Variants in RBFOX1 observed in about 807,000 individuals in gnomAD.
RBFOX1 encodes RNA binding protein fox-1 homolog 1.
Under a neutral mutation model 57.7 loss-of-function variants are expected in RBFOX1, and 8 were observed. The observed-to-expected ratio is 0.14, with a 90% CI of 0.08 to 0.25. The LOEUF (loss-of-function observed/expected upper bound fraction) is 0.25. RBFOX1 is among the 10% of genes least tolerant of loss of function. The probability of loss-of-function intolerance (pLI) is 1.00; values close to 1 mark genes in which losing one functional copy is unlikely to be tolerated. For missense variants in RBFOX1, 611 were observed against 548.5 expected (o/e 1.11, Z -1.14); for synonymous variants, 326 against 222.4 (o/e 1.47, Z -4.15).
intron 3 of RBFOX1, among the ~76,000 whole-genome samples, chr16:5,861,014 CTG>C (rs1260402636): frequency 2.0e-5 from 3 of 152,174 alleles, no homozygotes; most frequent in Non-Finnish European, 4.4e-5. Context: ...CAAAGAGAAA[CTG>C]GGTTTGAGCT....
chr16:6,588,244 G>A (rs2097658919), intron 2 of RBFOX1, among the ~76,000 whole-genome samples: 1 of 151,624 alleles, frequency 6.6e-6, no homozygotes, highest in Non-Finnish European at 1.5e-5. Flanking sequence ...AAAAAAAAAA[G>A]AAAGGCAGTT....
intron 4 of RBFOX1, among the ~76,000 whole-genome samples, chr16:7,234,930 T>A (rs4786989): frequency 2.6e-5 from 4 of 151,786 alleles, no homozygotes; most frequent in Admixed American, 6.6e-5. Context: ...AGAGACTTAC[T>A]GTAGACTTGC....
chr16:5,763,693 T>G (rs17138579), intron 3 of RBFOX1, among the ~76,000 whole-genome samples: 3,623 of 152,312 alleles, frequency 0.024, 146 homozygotes, highest in African/African-American at 0.081. Flanking sequence ...GAAAAGCGAT[T>G]TAGCCCCAAC....
intron 4 of RBFOX1, among the ~76,000 whole-genome samples, chr16:7,452,145 A>G (rs987481336): frequency 3.9e-5 from 6 of 152,234 alleles, no homozygotes; most frequent in Non-Finnish European, 8.8e-5. Flanking sequence ...TCACTACTTT[A>G]TGATCCAGCC....
intron 2 of RBFOX1, among the ~76,000 whole-genome samples, chr16:6,410,653 C>T (rs1341844713): frequency 5.9e-5 from 9 of 152,114 alleles, no homozygotes; most frequent in South Asian, 2.1e-4. Context: ...AAGACCAAGG[C>T]GTGCGGAAGC....
chr16:6,374,440 A>C (rs1016597472), intron 2 of RBFOX1, among the ~76,000 whole-genome samples: 1 of 152,156 alleles, frequency 6.6e-6, no homozygotes, highest in African/African-American at 2.4e-5. Flanking sequence ...AATTCTTCTC[A>C]CACTGATATT....
chr16:7,690,271 C>T (rs2077033808), intron 14 of RBFOX1, among the ~76,000 whole-genome samples: 1 of 152,098 alleles, frequency 6.6e-6, no homozygotes. Flanking sequence ...AGGTGAGGAC[C>T]ATTCACCTCA....
intron 11 of RBFOX1, among the ~76,000 whole-genome samples, chr16:7,632,200 C>A (rs2061083863): frequency 6.6e-6 from 1 of 152,156 alleles, no homozygotes; most frequent in Non-Finnish European, 1.5e-5. Context: ...TGAGCCACTG[C>A]CCCTGGCCCA....
chr16:5,559,126 A>G lies in RBFOX1; in HGVS notation c.259-39776A>G, dbSNP rs1325300052. Among the ~76,000 whole-genome samples the G allele has an allele frequency of 4.8e-5, 7 of 147,082 alleles. 1 individual carries two copies. On this transcript the variant is annotated intron_variant, in intron 2 of 2. Coordinates refer to the RBFOX1 transcript ENST00000585867. ...AGTTTTTGTCTTGCTCCTCCATAGTAGCAAAAGGGGTTTATATAGCTAGGA... is the reference window on the plus strand; with the variant it reads ...AGTTTTTGTCTTGCTCCTCCATAGTGGCAAAAGGGGTTTATATAGCTAGGA...
At chr16:5,673,891 G>T (rs368517888) in intron 3 of RBFOX1, among the ~76,000 whole-genome samples, 2 of 152,336 alleles carry the variant, frequency 1.3e-5, no homozygotes, top group East Asian at 3.9e-4. Context: ...TCAGCCTTCA[G>T]CTTTTCTCTT....
At chr16:6,570,794 C>G (rs1009689375) in intron 2 of RBFOX1, among the ~76,000 whole-genome samples, 7 of 152,008 alleles carry the variant, frequency 4.6e-5, no homozygotes, top group South Asian at 4.1e-4. Context: ...ATTTTTTCCT[C>G]AATTATTATA....
intron 3 of RBFOX1, among the ~76,000 whole-genome samples, chr16:6,833,912 A>T (rs780952875): frequency 1.6e-4 from 25 of 152,096 alleles, no homozygotes; most frequent in Non-Finnish European, 3.7e-4. Flanking sequence ...AGGTTGATCA[A>T]TCCACAGATG....
intron 3 of RBFOX1, among the ~76,000 whole-genome samples, chr16:5,827,147 A>T (rs562467684): frequency 1.3e-5 from 2 of 152,284 alleles, no homozygotes; most frequent in Admixed American, 1.3e-4. Context: ...CATGCCTGTA[A>T]TCCCAGCACT....
chr16:7,696,649 C>T (rs879600122), intron 14 of RBFOX1, among the ~76,000 whole-genome samples: 1 of 152,088 alleles, frequency 6.6e-6, no homozygotes, highest in East Asian at 1.9e-4. Flanking sequence ...CATCAAAAGA[C>T]CTTCATGGTA....
intron 1 of RBFOX1, among the ~76,000 whole-genome samples, chr16:6,148,952 C>A (rs925352531): frequency 1.3e-5 from 2 of 151,890 alleles, no homozygotes. Flanking sequence ...TTCCAAGGCT[C>A]ACAACGTAGA....
At chr16:6,771,518 A>G (rs2078291971) in intron 3 of RBFOX1, among the ~76,000 whole-genome samples, 1 of 152,074 alleles carries the variant, frequency 6.6e-6, no homozygotes, top group Admixed American at 6.5e-5. Flanking sequence ...AACCCTAGCA[A>G]GCTGAAGCCA....
At chr16:7,071,590 TG>T (rs2057350189) in intron 4 of RBFOX1, among the ~76,000 whole-genome samples, 1 of 7,390 alleles carries the variant, frequency 1.4e-4, no homozygotes, top group African/African-American at 7.7e-4. Flanking sequence ...CCCAGATATG[TG>T]TGTGTGTGTG....
intron 1 of RBFOX1, among the ~76,000 whole-genome samples, chr16:6,252,880 T>C (rs1383711519): frequency 3.9e-5 from 6 of 152,166 alleles, no homozygotes; most frequent in Admixed American, 3.9e-4. Flanking sequence ...CCCATCTAGA[T>C]GGCTAATAAT....
intron 3 of RBFOX1, among the ~76,000 whole-genome samples, chr16:7,034,731 G>T (rs1568464585): frequency 6.7e-6 from 1 of 150,096 alleles, no homozygotes; most frequent in South Asian, 2.2e-4. Context: ...TGCCCCTGTA[G>T]ATTTATTGTG....
Sources: gnomAD v4.1 joint callset for allele counts (sites outside exome capture counted in the v4.1 genomes callset) on GRCh38, gnomAD v4.1.1 for gene constraint, MANE v1.5 for transcripts, NCBI Gene and HGNC (gene_info 2026-07-23, HGNC 2026-07-21) for gene names.